Variants in SH2B1 observed in about 807,000 individuals in gnomAD.
SH2B1 encodes SH2B adaptor protein 1.
Under a neutral mutation model 62.6 loss-of-function variants are expected in SH2B1, and 15 were observed. The ratio of observed to expected loss-of-function variants is 0.24; its 90% CI spans 0.16 to 0.37. The LOEUF (loss-of-function observed/expected upper bound fraction) is 0.37. Among genes scored for constraint, SH2B1 ranks in the 10% least tolerant of loss-of-function variants. The pLI is 1.00. For synonymous variants in SH2B1, 443 were observed against 438.0 expected (o/e 1.01, Z -0.14); for missense variants, 925 against 1,015.6 (o/e 0.91, Z 1.21).
At chr16:28,856,867 G>A (rs1022593146) in intron 1 of SH2B1, among the ~76,000 whole-genome samples, 1 of 152,066 alleles carries the variant, frequency 6.6e-6, no homozygotes, top group Admixed American at 6.6e-5. Flanking sequence ...CCAAGTCCCT[G>A]CATGCCAACC....
At chr16:28,855,519 C>T (rs1391612666) in intron 1 of SH2B1, among the ~76,000 whole-genome samples, 1 of 152,100 alleles carries the variant, frequency 6.6e-6, no homozygotes, top group African/African-American at 2.4e-5. Flanking sequence ...CCGCGCCCGG[C>T]CCCCATGATT....
chr16:28,860,890 C>T (rs1260989011), upstream of SH2B1, among the ~76,000 whole-genome samples: 1 of 151,248 alleles, frequency 6.6e-6, no homozygotes. Context: ...GATCTTGGCT[C>T]ACTGCAACCT....
In SH2B1 at chr16:28,866,710, G is replaced by T; in HGVS notation, c.616G>T (p.Ala206Ser). ...GNSNSNSSGG[A>S]GTVGRGLVSD... ...CAGCAACTCCAACTCCTCTGGCGGG[G>T]CTGGGACCGTTGGTAGGGGACTGGT... The change falls in exon 1 of 8, where the codon GCT becomes TCT. Residue 206 changes from alanine to serine, a missense_variant. By Grantham distance (99) the Ala-to-Ser change is moderately conservative (BLOSUM62 1). Transcript: ENST00000684370. The surrounding 1 kb of genome is among the most constrained non-coding windows in gnomAD (Gnocchi z 6.3). The T allele has an allele frequency of 6.3e-7, 1 of 1,590,720 alleles. No individual in the cohort carries two copies. Among genetic ancestry groups the T allele is most frequent in the Non-Finnish European group, 8.6e-7 (1 of 1,168,036 alleles).
chr16:28,871,010 TGTGTGTGTGTGTGTGTGTGTG>T (rs1410774278), intron 4 of SH2B1, among the ~76,000 whole-genome samples: 2 of 151,032 alleles, frequency 1.3e-5, no homozygotes, highest in African/African-American at 4.9e-5. Flanking sequence ...TGTGTGTGTG[TGTGTGTGTGTGTGTGTGTGTG>T]TTTTGAGACA....
In SH2B1 at chr16:28,864,475, T is replaced by TCTC; in HGVS notation, c.-1617_-1615dup. ...TCCCCCGTGCTCCATGACTCCTGCATCTCCTGATTGTTTCTCGTTGGTTTG... is the reference window on the plus strand; with the variant it reads ...TCCCCCGTGCTCCATGACTCCTGCATCTCCTCCTGATTGTTTCTCGTTGGTTTG... On this transcript the variant is annotated 5_prime_UTR_variant, in exon 1 of 8. Transcript: ENST00000684370. The TCTC allele has an allele frequency of 1.0e-6, 1 of 985,742 alleles. No individual in the cohort carries two copies. The highest frequency in any genetic ancestry group is 1.1e-4 in the East Asian group (1 of 8,954). The allele number at this position is 985,742 out of a possible 1,614,324, so 61.1% of individuals were successfully genotyped here. A position where few individuals can be genotyped will look rare whatever the true frequency, so the allele number is the denominator to read the frequency against.
In SH2B1 at chr16:28,866,046, C is replaced by A. The variant is rs752552544; in HGVS notation, c.-49C>A. On this transcript the variant is annotated 5_prime_UTR_variant, in exon 1 of 8. Coordinates refer to ENST00000684370, the MANE Select transcript of SH2B1 (RefSeq NM_001387430.1). This position sits in a 1 kb window ranked among gnomAD's most constrained non-coding sequence, Gnocchi z 6.3. ...CCCACCCCTCGTCTTCTGGCTGCCT[C>A]CCTCTTTGTGCCCCACAGGCTCCCC... is the stretch of plus-strand genomic sequence containing the variant. 6.6e-7 allele frequency: 1 copy of A among 1,505,420 alleles called. No individual in the cohort carries two copies. The highest frequency in any genetic ancestry group is 8.8e-7 in the Non-Finnish European group (1 of 1,135,510). 93.3% of individuals were successfully genotyped at this position (1,505,420 alleles called of 1,614,324 possible).
intron 1 of SH2B1, among the ~76,000 whole-genome samples, chr16:28,848,037 A>G (rs1962022358): frequency 6.6e-6 from 1 of 151,670 alleles, no homozygotes; most frequent in African/African-American, 2.4e-5. Flanking sequence ...CGTTGGCCAG[A>G]CGGCTCTCGA....
At chr16:28,861,078 A>G (rs1272423292), upstream of SH2B1, among the ~76,000 whole-genome samples, 1 of 151,452 alleles carries the variant, frequency 6.6e-6, no homozygotes, top group Non-Finnish European at 1.5e-5. Context: ...ATAGCCTCCC[A>G]AAGTGCTGGG....
At position 28,873,906 on chromosome 16, in the gene SH2B1, C is replaced by T; in HGVS notation, c.*86C>T. 7.8e-7 allele frequency: 1 copy of T among 1,276,084 alleles called. No homozygotes were observed. 79.0% of individuals were successfully genotyped at this position (1,276,084 alleles called of 1,614,324 possible). Reference sequence around the variant, plus strand: ...GGTAGGGACAGAGGAGGCCGAAATCCCTCCCCCATGCTTCCTGACCCTTGT... The same window carrying T: ...GGTAGGGACAGAGGAGGCCGAAATCTCTCCCCCATGCTTCCTGACCCTTGT... On this transcript the variant is annotated 3_prime_UTR_variant, in exon 8 of 8. Coordinates refer to ENST00000684370, the MANE Select transcript of SH2B1 (RefSeq NM_001387430.1). This position sits in a 1 kb window ranked among gnomAD's most constrained non-coding sequence, Gnocchi z 4.2.
At position 28,865,936 on chromosome 16, in the gene SH2B1, T is replaced by C. The variant is rs1962657237; in HGVS notation, c.-159T>C. ...AGTCTGAAGTAGGGTCGGACGTCTC[T>C]GGCTGGGGGTGGGATGCAGCCTCCG... is the stretch of plus-strand genomic sequence containing the variant. On this transcript the variant is annotated 5_prime_UTR_variant, in exon 1 of 8. Transcript: ENST00000684370. The C allele has an allele frequency of 9.9e-6, 14 of 1,420,498 alleles. No homozygotes were observed. The highest frequency in any genetic ancestry group is 3.1e-5 in the Admixed American group (1 of 32,670). The allele number at this position is 1,420,498 out of a possible 1,614,324, so 88.0% of individuals were successfully genotyped here.
chr16:28,852,352 TTATA>T (rs1178648179), intron 1 of SH2B1, among the ~76,000 whole-genome samples: 1 of 65,766 alleles, frequency 1.5e-5, no homozygotes, highest in Non-Finnish European at 2.5e-5. Flanking sequence ...ACATATATAT[TTATA>T]TATATATTTA....
rs957163830 is a variant in SH2B1, at chr16:28,850,409, A to T, written c.-301+3582A>T. Among the ~76,000 whole-genome samples the T allele has an allele frequency of 2.0e-5, 3 of 152,194 alleles. No homozygotes were observed. The East Asian group carries it at 5.8e-4, about 29-fold the overall frequency. ...CCTTGTCTCTACAAACATAAAAATAAAAAAATTTGCCAGATATGGCAGCAC... is the reference window on the plus strand; with the variant it reads ...CCTTGTCTCTACAAACATAAAAATATAAAAATTTGCCAGATATGGCAGCAC... On this transcript the variant is annotated intron_variant, in intron 1 of 10. Transcript: ENST00000322610.
chr16:28,847,734 G>T (rs1330316488), intron 1 of SH2B1, among the ~76,000 whole-genome samples: 1 of 151,212 alleles, frequency 6.6e-6, no homozygotes, highest in African/African-American at 2.4e-5. Context: ...CAGGAGGATC[G>T]CCTGAGCTCA....
rs1285880603 is a variant in SH2B1 at position 28,864,101 on chromosome 16, C to G, written c.-1994C>G. On this transcript the variant is annotated 5_prime_UTR_variant, in exon 1 of 8. Transcript: ENST00000684370. ...GAGAGTGCAGCAGACAGGGCTGGTC[C>G]CGAGGTGGATGCGGCCCCGGAAAAT... 4.0e-6 allele frequency: 5 copies of G among 1,251,536 alleles called. No individual in the cohort carries two copies. Among genetic ancestry groups the G allele is most frequent in the Non-Finnish European group, 5.0e-6 (5 of 990,950 alleles). The allele number at this position is 1,251,536 out of a possible 1,614,324, so 77.5% of individuals were successfully genotyped here.
upstream of SH2B1, among the ~76,000 whole-genome samples, chr16:28,860,816 GTTTTT>G (rs57425948): frequency 3.3e-5 from 5 of 150,802 alleles, no homozygotes; most frequent in African/African-American, 7.3e-5. Context: ...CTCCAGATTT[GTTTTT>G]TTTTTAATTT....
At chr16:28,861,911 A>C (rs1472600358), upstream of SH2B1, among the ~76,000 whole-genome samples, 1 of 152,234 alleles carries the variant, frequency 6.6e-6, no homozygotes, top group Non-Finnish European at 1.5e-5. Context: ...ATTAGGGTTT[A>C]AGCTTGGAGC....
At chr16:28,850,275 A>C (rs1596607781) in intron 1 of SH2B1, among the ~76,000 whole-genome samples, 1 of 152,202 alleles carries the variant, frequency 6.6e-6, no homozygotes, top group Non-Finnish European at 1.5e-5. Flanking sequence ...CAAATGCTAC[A>C]TGCCAGGATA....
In SH2B1 at chr16:28,872,909, G is replaced by A. The variant is rs1171782261; in HGVS notation, c.1897+204G>A. 7 of 738,326 alleles carry A rather than the reference G, an allele frequency of 9.5e-6. No homozygotes were observed. In the African/African-American group the frequency reaches 1.1e-4, roughly 11 times the overall value. The allele number at this position is 738,326 out of a possible 1,614,324, so 45.7% of individuals were successfully genotyped here. A position where few individuals can be genotyped will look rare whatever the true frequency, so the allele number is the denominator to read the frequency against. On this transcript the variant is annotated intron_variant, in intron 7 of 7. Coordinates refer to ENST00000684370, the MANE Select transcript of SH2B1 (RefSeq NM_001387430.1). This position sits in a 1 kb window ranked among gnomAD's most constrained non-coding sequence, Gnocchi z 5.3. ...GACACAGGAAGGCAGAAGGCTCCTG[G>A]CCGGAGCCGGGGCGGCAGCTGAGAG...
rs200316520 is a variant in SH2B1 at position 28,867,458 on chromosome 16, G to A, written c.1041+26G>A. On this transcript the variant is annotated intron_variant, in intron 2 of 7. Transcript: ENST00000684370. ...GTAGGAATTCAACTTCCCAGCCGCC[G>A]GCAGTGCTTGTGTTAAGGAGAAAGC... 112 of 1,556,218 alleles carry A rather than the reference G, an allele frequency of 7.2e-5. 2 individuals carry two copies. In the African/African-American group the frequency reaches 1.4e-3, roughly 19 times the overall value.
Sources: allele counts gnomAD v4.1 joint callset (sites outside exome capture counted in the v4.1 genomes callset), GRCh38; gene constraint gnomAD v4.1.1; non-coding constraint Gnocchi (gnomAD v3.1); transcripts MANE v1.5; gene names NCBI Gene and HGNC (gene_info 2026-07-23, HGNC 2026-07-21).